The following KLHL42 variants were observed in gnomAD, a reference collection of about 807,000 sequenced individuals.
KLHL42 encodes kelch like family member 42.
A neutral mutation model predicts 32.7 loss-of-function variants in KLHL42; 27 were observed. The observed-to-expected ratio is 0.83, with a 90% confidence interval of 0.61 to 1.14. KLHL42 has a LOEUF of 1.14. Ranked by LOEUF, KLHL42 falls within the 50% of genes most tolerant of loss-of-function variation. The pLI is 0.00. For synonymous variants in KLHL42, 267 were observed against 248.2 expected (o/e 1.08, Z -0.71); for missense variants, 491 against 560.8 (o/e 0.88, Z 1.26).
intron 2 of KLHL42, among the ~76,000 whole-genome samples, chr12:27,793,420 G>A (rs557370055): frequency 2.6e-5 from 4 of 151,746 alleles, no homozygotes; most frequent in East Asian, 3.9e-4. Context: ...GCATGTACCT[G>A]TAGTCCCAGT....
chr12:27,798,279 C>G lies in KLHL42; in HGVS notation c.*113C>G. 1.6e-6 allele frequency: 1 copy of G among 632,062 alleles called. No homozygotes were observed. Among genetic ancestry groups the G allele is most frequent in the Non-Finnish European group, 2.8e-6 (1 of 352,570 alleles). 39.2% of individuals were successfully genotyped at this position (632,062 alleles called of 1,614,324 possible). ...GGTAAAGAAGGGTTAAAGTAGGTCA[C>G]ATATATACAGTAGCAGCTGTAAATA... On this transcript the variant is annotated 3_prime_UTR_variant, in exon 3 of 3. Transcript: ENST00000381271.
In KLHL42 at chr12:27,797,764, G is replaced by A. The variant is rs761089515; in HGVS notation, c.1116G>A (p.Thr372=). The change falls in exon 3 of 3, where the codon ACG becomes ACA. Residue 372 remains threonine, a synonymous_variant. Transcript: ENST00000381271. ...LQYCPSSDMW[T]LFETCDVHIR... ...ACTGCCCCTCTTCCGACATGTGGAC[G>A]CTCTTTGAAACATGTGACGTCCACA... 1 of 732,312 alleles carries A rather than the reference G, an allele frequency of 1.4e-6. No individual in the cohort carries two copies. The highest frequency in any genetic ancestry group is 1.8e-5 in the Admixed American group (1 of 54,402). The allele number at this position is 732,312 out of a possible 1,614,324, so 45.4% of individuals were successfully genotyped here. A position where few individuals can be genotyped will look rare whatever the true frequency, so the allele number is the denominator to read the frequency against.
Position 27,800,708 on chromosome 12 carries a change from CAA to C in KLHL42, c.*2554_*2555del, listed in dbSNP as rs771905232. The C allele has an allele frequency of 2.6e-4, 36 of 136,882 alleles. No individual in the cohort carries two copies. The highest frequency in any genetic ancestry group is 4.7e-4 in the South Asian group (2 of 4,258). 8.5% of individuals were successfully genotyped at this position (136,882 alleles called of 1,614,324 possible). A position where few individuals can be genotyped will look rare whatever the true frequency, so the allele number is the denominator to read the frequency against. ...GGGCGACAGTGCAAGACTCTGTCTCCAAAAAAAAAAAAAGAAAAAAGAAAATC... is the reference window on the plus strand; with the variant it reads ...GGGCGACAGTGCAAGACTCTGTCTCCAAAAAAAAAAAGAAAAAAGAAAATC... On this transcript the variant is annotated 3_prime_UTR_variant, in exon 3 of 3. Coordinates refer to ENST00000381271, the MANE Select transcript of KLHL42 (RefSeq NM_020782.2).
Position 27,780,997 on chromosome 12 carries a change from G to A in KLHL42, c.667G>A (p.Glu223Lys). The A allele has an allele frequency of 6.2e-7, 1 of 1,608,214 alleles. No individual in the cohort carries two copies. The highest frequency in any genetic ancestry group is 8.5e-7 in the Non-Finnish European group (1 of 1,176,278). ...GGAGCCCCCGTCCATGCTCAGGTACGAGGAGATGACTGAGCGTTGGTTCCC... is the reference window on the plus strand; with the variant it reads ...GGAGCCCCCGTCCATGCTCAGGTACAAGGAGATGACTGAGCGTTGGTTCCC... ...QGEPPSMLRY[E>K]EMTERWFPLA... The change falls in exon 1 of 3, where the codon GAG becomes AAG. Residue 223 changes from glutamate (E) to lysine (K), a missense_variant. Coordinates refer to ENST00000381271, the MANE Select transcript of KLHL42 (RefSeq NM_020782.2). This position sits in a 1 kb window ranked among gnomAD's most constrained non-coding sequence, Gnocchi z 8.8.
intron 2 of KLHL42, among the ~76,000 whole-genome samples, chr12:27,793,687 A>G (rs914019238): frequency 1.3e-5 from 2 of 152,190 alleles, no homozygotes; most frequent in African/African-American, 4.8e-5. Flanking sequence ...AGCCAAGGAA[A>G]TCTATTTCTG....
Position 27,798,285 on chromosome 12 carries a change from T to C in KLHL42, c.*119T>C. On this transcript the variant is annotated 3_prime_UTR_variant, in exon 3 of 3. Coordinates refer to ENST00000381271, the MANE Select transcript of KLHL42 (RefSeq NM_020782.2). The stretch of plus-strand genomic sequence containing the variant: ...GAAGGGTTAAAGTAGGTCACATATA[T>C]ACAGTAGCAGCTGTAAATAAGCTTA... 1 of 620,434 alleles carries C rather than the reference T, an allele frequency of 1.6e-6. No individual in the cohort carries two copies. The highest frequency in any genetic ancestry group is 2.9e-6 in the Non-Finnish European group (1 of 346,356). 38.4% of individuals were successfully genotyped at this position (620,434 alleles called of 1,614,324 possible).
rs907453450 is a variant in KLHL42 at position 27,798,275 on chromosome 12, G to C, written c.*109G>C. ...AAAGGGTAAAGAAGGGTTAAAGTAG[G>C]TCACATATATACAGTAGCAGCTGTA... On this transcript the variant is annotated 3_prime_UTR_variant, in exon 3 of 3. Coordinates refer to ENST00000381271, the MANE Select transcript of KLHL42 (RefSeq NM_020782.2). 1 of 647,846 alleles carries C rather than the reference G, an allele frequency of 1.5e-6. No individual in the cohort carries two copies. The highest frequency in any genetic ancestry group is 2.8e-6 in the Non-Finnish European group (1 of 361,688). 40.1% of individuals were successfully genotyped at this position (647,846 alleles called of 1,614,324 possible).
At chr12:27,793,984 C>T (rs960933809) in intron 2 of KLHL42, among the ~76,000 whole-genome samples, 5 of 152,186 alleles carry the variant, frequency 3.3e-5, no homozygotes, top group African/African-American at 4.8e-5. Context: ...TTCCTTCCAC[C>T]ATATCCAAAT....
intron 2 of KLHL42, among the ~76,000 whole-genome samples, chr12:27,795,702 G>A: frequency 6.6e-6 from 1 of 152,148 alleles, no homozygotes; most frequent in East Asian, 1.9e-4. Flanking sequence ...GTAAATAATA[G>A]CTCATTATTT....
At chr12:27,786,219 T>C (rs1485235579) in intron 1 of KLHL42, among the ~76,000 whole-genome samples, 1 of 152,178 alleles carries the variant, frequency 6.6e-6, no homozygotes, top group Non-Finnish European at 1.5e-5. Context: ...TCATGCACAT[T>C]TCCCCCCTTC....
At position 27,781,134 on chromosome 12, in the gene KLHL42, C is replaced by T. The variant is rs534203092; in HGVS notation, c.804C>T (p.Ile268=). 18 of 1,614,120 alleles carry T rather than the reference C, an allele frequency of 1.1e-5. 1 individual carries two copies. In the South Asian group the frequency reaches 1.9e-4, roughly 17 times the overall value. The part of the protein sequence containing the change: ...VGGYRITSQE[I]SAAHSYNPST... ...GGTACAGGATCACTAGCCAGGAGAT[C>T]TCCGCTGCGCATTCCTACAACCCCA... Residue 268 remains isoleucine, a synonymous_variant, in exon 1 of 3, where the codon ATC becomes ATT. Coordinates refer to ENST00000381271, the MANE Select transcript of KLHL42 (RefSeq NM_020782.2).
At position 27,780,790 on chromosome 12, in the gene KLHL42, G is replaced by A. The variant is rs746452367; in HGVS notation, c.460G>A (p.Val154Ile). The change falls in exon 1 of 3, where the codon GTC (valine) becomes ATC (isoleucine). Residue 154 changes from valine to isoleucine, a missense_variant. Physicochemically the swap from Val to Ile is conservative, Grantham distance 29. Coordinates refer to ENST00000381271, the MANE Select transcript of KLHL42 (RefSeq NM_020782.2). This position sits in a 1 kb window ranked among gnomAD's most constrained non-coding sequence, Gnocchi z 8.8. ...GCAGGAGGCCTGCCTGCGCTTCATG[G>A]TCGTCCACTTCCACGAGGTGCTGTG... Reference protein sequence around the residue: ...DLQEACLRFMVVHFHEVLCKP... With the variant: ...DLQEACLRFMIVHFHEVLCKP... 6.2e-7 allele frequency: 1 copy of A among 1,613,582 alleles called. No individual in the cohort carries two copies. Among genetic ancestry groups the A allele is most frequent in the South Asian group, 1.1e-5 (1 of 91,086 alleles).
In KLHL42 at chr12:27,800,299, G is replaced by A. The variant is rs1287292719; in HGVS notation, c.*2133G>A. The A allele has an allele frequency of 4.7e-5, 46 of 985,124 alleles. No individual in the cohort carries two copies. Among genetic ancestry groups the A allele is most frequent in the Non-Finnish European group, 5.5e-5 (46 of 829,916 alleles). The allele number at this position is 985,124 out of a possible 1,614,324, so 61.0% of individuals were successfully genotyped here. ...CTTGGACCAAGTGAGGGTGTACTCT[G>A]ATCCACAAAGCTCTTTTATAAACCA... On this transcript the variant is annotated 3_prime_UTR_variant, in exon 3 of 3. Transcript: ENST00000381271.
intron 2 of KLHL42, among the ~76,000 whole-genome samples, chr12:27,793,354 A>G (rs1225909833): frequency 6.6e-6 from 1 of 151,892 alleles, no homozygotes; most frequent in East Asian, 1.9e-4. Context: ...GGCCTGGTCA[A>G]CACAGCAAGA....
At chr12:27,785,897 A>G (rs1355720978) in intron 1 of KLHL42, among the ~76,000 whole-genome samples, 1 of 152,246 alleles carries the variant, frequency 6.6e-6, no homozygotes, top group Non-Finnish European at 1.5e-5. Flanking sequence ...ACTATAGTGA[A>G]CATTTTTACC....
chr12:27,781,831 C>T (rs1227607086), intron 1 of KLHL42, among the ~76,000 whole-genome samples: 3 of 152,194 alleles, frequency 2.0e-5, no homozygotes, highest in Admixed American at 1.3e-4. Flanking sequence ...GGAATATTTT[C>T]ATTTACGCAA....
intron 1 of KLHL42, 140 bp from the exon 2 acceptor site, chr12:27,791,568 C>G: frequency 1.4e-6 from 1 of 718,612 alleles, no homozygotes; most frequent in Non-Finnish European, 2.5e-6. Context: ...CTTTCCTCCT[C>G]TGTCCTCAGG....
At chr12:27,788,908 A>G (rs1342260117) in intron 1 of KLHL42, among the ~76,000 whole-genome samples, 1 of 152,220 alleles carries the variant, frequency 6.6e-6, no homozygotes, top group African/African-American at 2.4e-5. Context: ...AATTAAGAAA[A>G]CACTGTAGAG....
chr12:27,801,112 C>A lies in KLHL42; in HGVS notation c.*2946C>A, dbSNP rs1421466228. 1 of 152,402 alleles carries A rather than the reference C, an allele frequency of 6.6e-6. No individual in the cohort carries two copies. Among genetic ancestry groups the A allele is most frequent in the Non-Finnish European group, 1.5e-5 (1 of 68,008 alleles). 9.4% of individuals were successfully genotyped at this position (152,402 alleles called of 1,614,324 possible). ...TTCAACAGTATTGGTTAAGTCACAA[C>A]GACGAAGTGCTGAGAAGGTTATGGG... On this transcript the variant is annotated 3_prime_UTR_variant, in exon 3 of 3. Coordinates refer to ENST00000381271, the MANE Select transcript of KLHL42 (RefSeq NM_020782.2).
Sources: gnomAD v4.1 joint callset for allele counts (sites outside exome capture counted in the v4.1 genomes callset) on GRCh38, gnomAD v4.1.1 for gene constraint, Gnocchi (gnomAD v3.1) non-coding constraint, MANE v1.5 for transcripts, NCBI Gene and HGNC (gene_info 2026-07-23, HGNC 2026-07-21) for gene names.